Variants in PIP4P2 observed in about 807,000 individuals in gnomAD.
The protein encoded by PIP4P2 is type 2 phosphatidylinositol 4,5-bisphosphate 4-phosphatase.
Under a neutral mutation model 33.3 loss-of-function variants are expected in PIP4P2, and 19 were observed. The ratio of observed to expected loss-of-function variants is 0.57; its 90% CI spans 0.40 to 0.84. The LOEUF is 0.84. Among genes scored for constraint, PIP4P2 ranks in the 40% least tolerant of loss-of-function variants. The pLI is 0.00. For synonymous variants in PIP4P2, 110 were observed against 111.9 expected, an observed-to-expected ratio of 0.98 and a Z score of 0.11; for missense variants, 270 against 324.7, an observed-to-expected ratio of 0.83 and a Z score of 1.29.
chr8:91,040,439 CCAT>C (rs1431828144), intron 1 of PIP4P2, among the ~76,000 whole-genome samples: 4 of 151,156 alleles, frequency 2.6e-5, no homozygotes, highest in Non-Finnish European at 5.9e-5. Flanking sequence ...ACCACCACCA[CCAT>C]CACCACCACC....
intron 3 of PIP4P2, among the ~76,000 whole-genome samples, chr8:91,019,774 C>T (rs1396671348): frequency 6.6e-6 from 1 of 152,124 alleles, no homozygotes; most frequent in Admixed American, 6.6e-5. Context: ...CTATGTTGCT[C>T]AGTTTGGTCT....
chr8:91,003,992 T>C (rs1339486620), intron 5 of PIP4P2, among the ~76,000 whole-genome samples: 2 of 151,772 alleles, frequency 1.3e-5, no homozygotes, highest in Non-Finnish European at 2.9e-5. Context: ...GATAGATAGA[T>C]AGATAGATAG....
chr8:91,008,716 T>C, intron 5 of PIP4P2, 27 bp downstream of exon 5: 1 of 1,603,732 alleles, frequency 6.2e-7, no homozygotes, highest in East Asian at 2.2e-5. Context: ...TATTTCTCAA[T>C]AATATTTCCA....
In PIP4P2 at chr8:91,040,804, G is replaced by A. The variant is rs1025389725; in HGVS notation, c.-55C>T. On this transcript the variant is annotated 5_prime_UTR_variant, in exon 1 of 7. Transcript: ENST00000285419. ...CCGAGCCGGGGTTGCGGCCTCGGCG[G>A]AGTGGTGGCTACTGCTGCTGCCTCT... 14 of 1,534,700 alleles carry A rather than the reference G, an allele frequency of 9.1e-6. No individual in the cohort carries two copies. Among genetic ancestry groups the A allele is most frequent in the Admixed American group, 1.7e-5 (1 of 57,620 alleles).
intron 1 of PIP4P2, among the ~76,000 whole-genome samples, chr8:91,026,842 T>C (rs1054154857): frequency 6.6e-6 from 1 of 152,176 alleles, no homozygotes; most frequent in Non-Finnish European, 1.5e-5. Context: ...TGACACATGG[T>C]GCCATCCTGA....
At chr8:91,017,546 T>C (rs992062537) in intron 4 of PIP4P2, among the ~76,000 whole-genome samples, 2 of 152,120 alleles carry the variant, frequency 1.3e-5, no homozygotes, top group African/African-American at 2.4e-5. Context: ...GCAGTCCCAT[T>C]TGACATTTAG....
intron 1 of PIP4P2, among the ~76,000 whole-genome samples, chr8:91,024,636 T>C (rs962499271): frequency 1.3e-5 from 2 of 152,082 alleles, no homozygotes; most frequent in African/African-American, 2.4e-5. Context: ...ATTTTAAATT[T>C]CTGCACTACA....
chr8:91,021,266 T>C lies in PIP4P2; in HGVS notation c.245A>G (p.Asn82Ser), dbSNP rs1295659095. 4 of 1,613,698 alleles carry C rather than the reference T, an allele frequency of 2.5e-6. No homozygotes were observed. The highest frequency in any genetic ancestry group is 1.3e-5 in the African/African-American group (1 of 75,046). ...GAAATCTCCACTTACCGTAGCTTCA[T>C]TGCAAACTGTGCACTTAACCACATG... The part of the protein sequence containing the change: ...HQHVVKCTVC[N>S]EATPIKNPPT... The change falls in exon 2 of 7, where the codon AAT becomes AGT. Residue 82 changes from asparagine (N) to serine (S), a missense_variant. Coordinates refer to ENST00000285419, the MANE Select transcript of PIP4P2 (RefSeq NM_018710.3).
chr8:91,027,688 A>C (rs548493636), intron 1 of PIP4P2, among the ~76,000 whole-genome samples: 8 of 152,358 alleles, frequency 5.3e-5, no homozygotes, highest in East Asian at 1.9e-4. Flanking sequence ...TTTTAAAGCT[A>C]GAAGTAGCTT....
At chr8:91,002,749 A>C (rs1335251186) in intron 5 of PIP4P2, among the ~76,000 whole-genome samples, 1 of 152,156 alleles carries the variant, frequency 6.6e-6, no homozygotes, top group Non-Finnish European at 1.5e-5. Context: ...GTTTCAGCTA[A>C]TTTTTTAGGT....
chr8:91,037,687 G>A (rs35734545), intron 1 of PIP4P2, among the ~76,000 whole-genome samples: 59,222 of 151,992 alleles, frequency 0.39, 14,457 homozygotes, highest in South Asian at 0.58. Context: ...CAAACTGTCT[G>A]CCTCTGTATA....
At chr8:91,019,423 A>AAAAAAAT (rs1811970520) in intron 3 of PIP4P2, among the ~76,000 whole-genome samples, 2 of 61,162 alleles carry the variant, frequency 3.3e-5, no homozygotes, top group African/African-American at 7.6e-5. Flanking sequence ...AAAAAAAAAA[A>AAAAAAAT]ATATATTACC....
chr8:91,022,593 C>A (rs938480855), intron 1 of PIP4P2, among the ~76,000 whole-genome samples: 1 of 152,058 alleles, frequency 6.6e-6, no homozygotes, highest in African/African-American at 2.4e-5. Context: ...TTCTGTAACA[C>A]TATAAAATAT....
rs142242144 is a variant in PIP4P2, at chr8:91,021,363, C to A, written c.148G>T (p.Ala50Ser). ...PPYTAIASPD[A>S]SGIPVINCRV... The stretch of plus-strand genomic sequence containing the variant: ...CAGTTTATTACTGGAATACCACTGG[C>A]GTCTGGACTGGCAATGGCTGTATAT... The change falls in exon 2 of 7, where the codon GCC (alanine) becomes TCC (serine). Residue 50 changes from alanine to serine, a missense_variant. Physicochemically the swap from Ala to Ser is moderately conservative, Grantham distance 99. Transcript: ENST00000285419. 6.2e-7 allele frequency: 1 copy of A among 1,613,782 alleles called. No homozygotes were observed. Among genetic ancestry groups the A allele is most frequent in the South Asian group, 1.1e-5 (1 of 91,066 alleles).
chr8:90,999,422 A>G (rs984793491), intron 5 of PIP4P2, among the ~76,000 whole-genome samples: 1 of 152,128 alleles, frequency 6.6e-6, no homozygotes. Context: ...GGTATTGCCA[A>G]ACTCTACACA....
intron 1 of PIP4P2, among the ~76,000 whole-genome samples, chr8:91,030,640 G>A (rs566799304): frequency 6.6e-6 from 1 of 152,164 alleles, no homozygotes; most frequent in East Asian, 1.9e-4. Flanking sequence ...ATGCCCATTC[G>A]CCAAGTCTTA....
intron 5 of PIP4P2, among the ~76,000 whole-genome samples, chr8:90,997,176 A>G (rs1007341972): frequency 6.6e-6 from 1 of 152,134 alleles, no homozygotes; most frequent in African/African-American, 2.4e-5. Flanking sequence ...AAGAAAAAGG[A>G]AAGAAAAAAT....
At chr8:91,006,687 G>A (rs1219221675) in intron 5 of PIP4P2, among the ~76,000 whole-genome samples, 1 of 152,194 alleles carries the variant, frequency 6.6e-6, no homozygotes, top group East Asian at 1.9e-4. Flanking sequence ...GTCTCTGTCA[G>A]GCCAGGTGCA....
At chr8:91,022,302 C>T (rs1812021711) in intron 1 of PIP4P2, among the ~76,000 whole-genome samples, 1 of 151,956 alleles carries the variant, frequency 6.6e-6, no homozygotes, top group African/African-American at 2.4e-5. Flanking sequence ...TTTTGAGAGT[C>T]CTAAGGTTGA....
Sources: gnomAD v4.1 joint callset for allele counts (sites outside exome capture counted in the v4.1 genomes callset) on GRCh38, gnomAD v4.1.1 for gene constraint, MANE v1.5 for transcripts, NCBI Gene and HGNC (gene_info 2026-07-23, HGNC 2026-07-21) for gene names.